The following CDH8 variants were observed in gnomAD, a reference collection of about 807,000 sequenced individuals.
The protein encoded by CDH8 is cadherin-8.
Under a neutral mutation model 68.1 loss-of-function variants are expected in CDH8, and 17 were observed. The ratio of observed to expected loss-of-function variants is 0.25; its 90% CI spans 0.17 to 0.37. The LOEUF (loss-of-function observed/expected upper bound fraction) is 0.37, where lower values mean the gene tolerates loss of function less well. CDH8 is among the 10% of genes least tolerant of loss of function. The pLI is 1.00. For synonymous variants in CDH8, 372 were observed against 365.1 expected (o/e 1.02, Z -0.21); for missense variants, 763 against 999.3 (o/e 0.76, Z 3.19).
In CDH8 at chr16:61,718,523, G is replaced by C. The variant is rs962408100; in HGVS notation, c.1537-4565C>G. On this transcript the variant is annotated intron_variant, in intron 9 of 11. Transcript: ENST00000577390. Reference sequence around the variant, plus strand: ...TGTAAGGTGATAGAAAGGGGGTGAAGGAAAGGAAGGGAAGTTACGGTCGAT... The same window carrying C: ...TGTAAGGTGATAGAAAGGGGGTGAACGAAAGGAAGGGAAGTTACGGTCGAT... Among the ~76,000 whole-genome samples, 4 of 151,352 alleles carry C rather than the reference G, an allele frequency of 2.6e-5. No individual in the cohort carries two copies. In the South Asian group the frequency reaches 8.3e-4, roughly 31 times the overall value.
In CDH8 at chr16:62,011,041, A is replaced by T. The variant is rs572625304; in HGVS notation, c.252+10111T>A. ...TCAACCACATATTCACAGAAAAAAA[A>T]ATAAATAAATGTATGCAACCCAGCT... On this transcript the variant is annotated intron_variant, in intron 2 of 11. Coordinates refer to ENST00000577390, the MANE Select transcript of CDH8 (RefSeq NM_001796.5). Among the ~76,000 whole-genome samples the T allele has an allele frequency of 2.8e-3, 419 of 147,170 alleles. 1 individual carries two copies. Among genetic ancestry groups the T allele is most frequent in the African/African-American group, 9.4e-3 (386 of 40,986 alleles).
At position 61,652,375 on chromosome 16, in the gene CDH8, T is replaced by C. The variant is rs1963340497; in HGVS notation, c.*1233A>G. ...TTTATTGGGCAGGGCATGATGTAGG[T>C]ATCTAAAAGTCTAGAGTTTAAATAT... On this transcript the variant is annotated 3_prime_UTR_variant, in exon 12 of 12. Transcript: ENST00000577390. 22 of 985,024 alleles carry C rather than the reference T, an allele frequency of 2.2e-5. No homozygotes were observed. Among genetic ancestry groups the C allele is most frequent in the Non-Finnish European group, 2.5e-5 (21 of 829,582 alleles). The allele number at this position is 985,024 out of a possible 1,614,324, so 61.0% of individuals were successfully genotyped here. A position where few individuals can be genotyped will look rare whatever the true frequency, so the allele number is the denominator to read the frequency against.
chr16:61,985,856 AT>A (rs1332224241), intron 2 of CDH8, among the ~76,000 whole-genome samples: 3 of 147,950 alleles, frequency 2.0e-5, no homozygotes, highest in Non-Finnish European at 4.5e-5. Flanking sequence ...ATTACCCAAC[AT>A]TTGGATATTT....
intron 9 of CDH8, among the ~76,000 whole-genome samples, chr16:61,716,471 A>G (rs1428521869): frequency 1.3e-5 from 2 of 151,740 alleles, no homozygotes; most frequent in East Asian, 1.9e-4. Flanking sequence ...AGCCACTGGA[A>G]CTACTGACTA....
At chr16:61,737,897 T>C (rs946169024) in intron 8 of CDH8, among the ~76,000 whole-genome samples, 1 of 152,142 alleles carries the variant, frequency 6.6e-6, no homozygotes, top group Admixed American at 6.5e-5. Context: ...TCAATAATTT[T>C]TGAGGATAAG....
At chr16:61,924,183 G>T (rs902615558) in intron 2 of CDH8, among the ~76,000 whole-genome samples, 1 of 152,032 alleles carries the variant, frequency 6.6e-6, no homozygotes, top group Non-Finnish European at 1.5e-5. Context: ...GTATTATTTG[G>T]CAATGCCACT....
chr16:61,933,894 T>TA (rs1215835588), intron 2 of CDH8, among the ~76,000 whole-genome samples: 4 of 152,182 alleles, frequency 2.6e-5, no homozygotes, highest in Admixed American at 1.3e-4. Context: ...AGAACAATTT[T>TA]AAAAATACAT....
chr16:61,864,226 T>C (rs1963208024), intron 3 of CDH8, among the ~76,000 whole-genome samples: 1 of 152,190 alleles, frequency 6.6e-6, no homozygotes, highest in Non-Finnish European at 1.5e-5. Context: ...GATACTTCTG[T>C]ACTGACTGTC....
At chr16:61,945,210 G>A (rs930426900) in intron 2 of CDH8, among the ~76,000 whole-genome samples, 2 of 152,122 alleles carry the variant, frequency 1.3e-5, no homozygotes, top group Admixed American at 6.6e-5. Flanking sequence ...TAAAGAAGAC[G>A]TGAGATTATC....
At chr16:61,933,392 CA>C (rs1484943127) in intron 2 of CDH8, among the ~76,000 whole-genome samples, 1 of 152,140 alleles carries the variant, frequency 6.6e-6, no homozygotes, top group Non-Finnish European at 1.5e-5. Flanking sequence ...CTTTTACCCA[CA>C]AGGTCTTGGA....
chr16:61,824,415 C>T (rs1259638792), intron 5 of CDH8, among the ~76,000 whole-genome samples: 1 of 151,816 alleles, frequency 6.6e-6, no homozygotes, highest in African/African-American at 2.4e-5. Flanking sequence ...TGAATAAATG[C>T]TCAGAAGAAA....
intron 2 of CDH8, among the ~76,000 whole-genome samples, chr16:61,946,419 T>A (rs1964802385): frequency 6.6e-6 from 1 of 152,236 alleles, no homozygotes; most frequent in African/African-American, 2.4e-5. Flanking sequence ...AACAGAATTC[T>A]AAAGAAAGCA....
intron 10 of CDH8, among the ~76,000 whole-genome samples, chr16:61,665,294 A>T (rs552050116): frequency 3.9e-5 from 6 of 152,156 alleles, no homozygotes; most frequent in African/African-American, 1.4e-4. Flanking sequence ...ATGAAAAATT[A>T]AAAAGTCTAT....
At position 61,871,815 on chromosome 16, in the gene CDH8, CAAAAAAAAAAAAAAAAA is replaced by C. The variant is rs144379377; in HGVS notation, c.548-14594_548-14578del. On this transcript the variant is annotated intron_variant, in intron 3 of 11. Coordinates refer to ENST00000577390, the MANE Select transcript of CDH8 (RefSeq NM_001796.5). The stretch of plus-strand genomic sequence containing the variant: ...TTGCTATGCTCTATTGTTCTATATG[CAAAAAAAAAAAAAAAAA>C]AAAAAAAAAAAAAAACCCAGAAATC... Among the ~76,000 whole-genome samples, 193 of 43,362 alleles carry C rather than the reference CAAAAAAAAAAAAAAAAA, an allele frequency of 4.5e-3. 3 individuals carry two copies. Among genetic ancestry groups the C allele is most frequent in the African/African-American group, 0.015 (179 of 11,700 alleles). The allele number at this position is 43,362 out of a possible 152,430, so 28.4% of individuals were successfully genotyped here. A position where few individuals can be genotyped will look rare whatever the true frequency, so the allele number is the denominator to read the frequency against.
intron 4 of CDH8, among the ~76,000 whole-genome samples, chr16:61,850,173 G>A (rs930242021): frequency 3.3e-4 from 50 of 152,048 alleles, no homozygotes; most frequent in Non-Finnish European, 4.0e-4. Context: ...GGCTTTTGGT[G>A]AGGAAGTTTT....
chr16:61,862,905 T>C (rs963920224), intron 3 of CDH8, among the ~76,000 whole-genome samples: 4 of 152,206 alleles, frequency 2.6e-5, no homozygotes, highest in African/African-American at 9.6e-5. Flanking sequence ...TGTTTGTGTT[T>C]TCATTTGGAA....
intron 3 of CDH8, among the ~76,000 whole-genome samples, chr16:61,872,767 TC>T (rs1463881829): frequency 6.6e-6 from 1 of 152,164 alleles, no homozygotes; most frequent in Non-Finnish European, 1.5e-5. Flanking sequence ...CTCAGATGGT[TC>T]GGGGGACTTA....
chr16:61,659,025 C>T (rs972540121), intron 10 of CDH8, among the ~76,000 whole-genome samples: 1 of 152,088 alleles, frequency 6.6e-6, no homozygotes. Flanking sequence ...CAACTCACTG[C>T]TGCTGGTATA....
intron 2 of CDH8, among the ~76,000 whole-genome samples, chr16:61,982,968 A>G (rs1410420659): frequency 6.6e-6 from 1 of 152,202 alleles, no homozygotes; most frequent in African/African-American, 2.4e-5. Flanking sequence ...TTTATCGTGA[A>G]AAAGTTTCTA....
Sources: gnomAD v4.1 joint callset for allele counts (sites outside exome capture counted in the v4.1 genomes callset) on GRCh38, gnomAD v4.1.1 for gene constraint, MANE v1.5 for transcripts, NCBI Gene and HGNC (gene_info 2026-07-23, HGNC 2026-07-21) for gene names.